PIK3AP1: variants seen among roughly 807,000 people sequenced by gnomAD.
PIK3AP1 encodes phosphoinositide-3-kinase adaptor protein 1, also known as phosphoinositide 3-kinase adapter protein 1.
A neutral mutation model predicts 88.1 loss-of-function variants in PIK3AP1; 21 were observed. That is an observed-to-expected ratio of 0.24 (90% CI 0.17 to 0.34). PIK3AP1 has a LOEUF of 0.34. PIK3AP1 is among the 10% of genes least tolerant of loss of function. The pLI is 1.00. For synonymous variants in PIK3AP1, 398 were observed against 400.0 expected (o/e 1.00, Z 0.06); for missense variants, 828 against 1,035.7 (o/e 0.80, Z 2.75).
At chr10:96,705,162 C>A (rs148665461) in intron 2 of PIK3AP1, among the ~76,000 whole-genome samples, 149 of 152,308 alleles carry the variant, frequency 9.8e-4, no homozygotes, top group African/African-American at 3.4e-3. Context: ...ATGCTATTTA[C>A]TGCTGGGGTC....
intron 2 of PIK3AP1, among the ~76,000 whole-genome samples, chr10:96,709,142 A>C (rs897960772): frequency 6.6e-6 from 1 of 151,434 alleles, no homozygotes; most frequent in African/African-American, 2.4e-5. Context: ...AAAAAAAAAA[A>C]AAAAAAAACC....
At chr10:96,710,110 A>C in intron 1 of PIK3AP1, 127 bp from the exon 2 acceptor site, 1 of 739,414 alleles carries the variant, frequency 1.4e-6, no homozygotes. Context: ...GTGTGCCTCC[A>C]GCACACCAGC....
Position 96,720,437 on chromosome 10 carries a change from G to T in PIK3AP1, c.-43C>A. On this transcript the variant is annotated 5_prime_UTR_variant, in exon 1 of 17. Transcript: ENST00000339364. The surrounding 1 kb of genome is among the most constrained non-coding windows in gnomAD (Gnocchi z 4.6). ...ACATCCCTGGCTCGCTGCGTGCCCG[G>T]GGCCGGGACCGGGGCCGGCGGCGTC... 8.1e-7 allele frequency: 1 copy of T among 1,228,210 alleles called. No homozygotes were observed. Among genetic ancestry groups the T allele is most frequent in the Non-Finnish European group, 1.0e-6 (1 of 982,918 alleles). 76.1% of individuals were successfully genotyped at this position (1,228,210 alleles called of 1,614,324 possible). A position where few individuals can be genotyped will look rare whatever the true frequency, so the allele number is the denominator to read the frequency against.
intron 2 of PIK3AP1, among the ~76,000 whole-genome samples, chr10:96,692,554 CAG>C (rs1844167378): frequency 6.7e-6 from 1 of 149,824 alleles, no homozygotes; most frequent in Non-Finnish European, 1.5e-5. Flanking sequence ...CTTACTCTGA[CAG>C]AGCAAGATTC....
At chr10:96,645,756 A>G (rs1387920916) in intron 7 of PIK3AP1, 94 bp from the exon 8 acceptor site, 2 of 1,072,974 alleles carry the variant, frequency 1.9e-6, no homozygotes, top group African/African-American at 1.6e-5. Flanking sequence ...AGCAAAGTAA[A>G]GGCTCCCATG....
intron 2 of PIK3AP1, among the ~76,000 whole-genome samples, chr10:96,682,165 G>A (rs1032654695): frequency 2.6e-5 from 4 of 152,130 alleles, no homozygotes; most frequent in African/African-American, 9.7e-5. Flanking sequence ...ATCCTTAAGT[G>A]TCCCTTCTTA....
intron 1 of PIK3AP1, 42 bp from the exon 2 acceptor site, chr10:96,710,025 C>G: frequency 6.5e-7 from 1 of 1,527,160 alleles, no homozygotes; most frequent in South Asian, 1.2e-5. Flanking sequence ...GCACACCTCC[C>G]CTTCTAGGTG....
intron 16 of PIK3AP1, among the ~76,000 whole-genome samples, chr10:96,601,640 T>A (rs925878899): frequency 1.3e-5 from 2 of 152,166 alleles, no homozygotes; most frequent in African/African-American, 4.8e-5. Context: ...TTCCAATTCC[T>A]TCATATTTTC....
chr10:96,619,943 G>A lies in PIK3AP1; in HGVS notation c.1941+409C>T, dbSNP rs570845488. On this transcript the variant is annotated intron_variant, in intron 12 of 16. Transcript: ENST00000339364. ...TTGTTCATTTAATCATATTTCTTGGGAGTTTTCCAAGTTCTCTTTGAGTCA... is the reference window on the plus strand; with the variant it reads ...TTGTTCATTTAATCATATTTCTTGGAAGTTTTCCAAGTTCTCTTTGAGTCA... Among the ~76,000 whole-genome samples, 27 of 152,316 alleles carry A rather than the reference G, an allele frequency of 1.8e-4. No individual in the cohort carries two copies. In the South Asian group the frequency reaches 4.8e-3, roughly 27 times the overall value.
intron 1 of PIK3AP1, among the ~76,000 whole-genome samples, chr10:96,716,454 A>G (rs1415656598): frequency 6.6e-6 from 1 of 152,202 alleles, no homozygotes; most frequent in Non-Finnish European, 1.5e-5. Context: ...ACTTAGACCA[A>G]TTACTAAGTC....
At chr10:96,671,602 G>A (rs1451303911) in intron 2 of PIK3AP1, among the ~76,000 whole-genome samples, 1 of 152,106 alleles carries the variant, frequency 6.6e-6, no homozygotes, top group African/African-American at 2.4e-5. Flanking sequence ...GAGGGAGGAG[G>A]TGACAATTAT....
At chr10:96,613,288 T>G (rs1005565169) in intron 13 of PIK3AP1, among the ~76,000 whole-genome samples, 1 of 152,046 alleles carries the variant, frequency 6.6e-6, no homozygotes, top group East Asian at 1.9e-4. Context: ...TGTGAGCCAC[T>G]GCACCCAGCC....
intron 10 of PIK3AP1, among the ~76,000 whole-genome samples, chr10:96,626,462 G>A (rs1205203156): frequency 2.6e-5 from 4 of 152,186 alleles, no homozygotes; most frequent in East Asian, 1.9e-4. Context: ...TATATCAGGG[G>A]TCTTGTTTAC....
At chr10:96,715,113 T>G in intron 1 of PIK3AP1, among the ~76,000 whole-genome samples, 1 of 152,116 alleles carries the variant, frequency 6.6e-6, no homozygotes, top group Non-Finnish European at 1.5e-5. Context: ...GTTGAGAGTG[T>G]GTGCCCTGAA....
chr10:96,677,605 ACACACACACACACACACACAC>A (rs1292591195), intron 2 of PIK3AP1, among the ~76,000 whole-genome samples: 1 of 151,706 alleles, frequency 6.6e-6, no homozygotes, highest in African/African-American at 2.4e-5. Flanking sequence ...ACACACACAC[ACACACACACACACACACACAC>A]AAAAGGCCTT....
chr10:96,715,185 G>T (rs1225063389), intron 1 of PIK3AP1, among the ~76,000 whole-genome samples: 1 of 152,104 alleles, frequency 6.6e-6, no homozygotes, highest in South Asian at 2.1e-4. Context: ...CCAGCACCCT[G>T]GTCTAATTAT....
rs188444301 is a variant in PIK3AP1, at chr10:96,600,905, C to A, written c.2360+1375G>T. On this transcript the variant is annotated intron_variant, in intron 16 of 16. Transcript: ENST00000339364. Reference sequence around the variant, plus strand: ...GCTCCTTTCTGCATCTGTGGACACACAGCTAGCTGTGACCACTTTTTCCGT... The same window carrying A: ...GCTCCTTTCTGCATCTGTGGACACAAAGCTAGCTGTGACCACTTTTTCCGT... Among the ~76,000 whole-genome samples, 27 of 152,332 alleles carry A rather than the reference C, an allele frequency of 1.8e-4. 1 individual carries two copies. The highest frequency in any genetic ancestry group is 1.6e-3 in the Admixed American group (24 of 15,306).
rs192346533 is a variant in PIK3AP1, at chr10:96,644,101, G to A, written c.1375+1372C>T. Reference sequence around the variant, plus strand: ...CAGATCCACTGTTACCCAGATCAGCGGTTCTCAAGGGTGGTGGCACTGCCC... The same window carrying A: ...CAGATCCACTGTTACCCAGATCAGCAGTTCTCAAGGGTGGTGGCACTGCCC... On this transcript the variant is annotated intron_variant, in intron 8 of 16. Transcript: ENST00000339364. Among the ~76,000 whole-genome samples, 16 of 152,274 alleles carry A rather than the reference G, an allele frequency of 1.1e-4. No homozygotes were observed. The East Asian group carries it at 3.1e-3, about 29-fold the overall frequency.
intron 8 of PIK3AP1, among the ~76,000 whole-genome samples, chr10:96,628,889 C>CACAT (rs1554955372): frequency 1.6e-5 from 1 of 60,850 alleles, no homozygotes; most frequent in Non-Finnish European, 3.1e-5. Context: ...TATATATATA[C>CACAT]ATATATATAT....
Sources: gnomAD v4.1 joint callset for allele counts (sites outside exome capture counted in the v4.1 genomes callset) on GRCh38, gnomAD v4.1.1 for gene constraint, Gnocchi (gnomAD v3.1) non-coding constraint, MANE v1.5 for transcripts, NCBI Gene and HGNC (gene_info 2026-07-23, HGNC 2026-07-21) for gene names.